HLX: variants seen among roughly 807,000 people sequenced by gnomAD.
HLX encodes H2.0 like homeobox.
A neutral mutation model predicts 27.7 loss-of-function variants in HLX; 6 were observed. The ratio of observed to expected loss-of-function variants is 0.22; its 90% CI spans 0.12 to 0.43. The LOEUF (loss-of-function observed/expected upper bound fraction) is 0.43. Ranked by LOEUF, HLX falls within the 20% of genes least tolerant of loss-of-function variation. The pLI is 1.00. For missense variants in HLX, 666 were observed against 655.2 expected, an observed-to-expected ratio of 1.02 and a Z score of -0.18; for synonymous variants, 328 against 293.8, an observed-to-expected ratio of 1.12 and a Z score of -1.19.
chr1:220,883,792 T>G (rs1674507857), intron 3 of HLX: 2 of 214,958 alleles, frequency 9.3e-6, no homozygotes, highest in African/African-American at 4.6e-5. Flanking sequence ...CATATGTGTA[T>G]TTTTCTGGGC....
chr1:220,882,688 G>C, intron 3 of HLX: 1 of 249,362 alleles, frequency 4.0e-6, no homozygotes, highest in South Asian at 7.2e-5. Context: ...TTCGCTGTAG[G>C]AGGCAGTTTA....
chr1:220,880,419 C>T lies in HLX; in HGVS notation c.562C>T (p.Pro188Ser). The T allele has an allele frequency of 6.2e-7, 1 of 1,613,954 alleles. No individual in the cohort carries two copies. Among genetic ancestry groups the T allele is most frequent in the Non-Finnish European group, 8.5e-7 (1 of 1,180,032 alleles). Reference protein sequence around the residue: ...IDRILSAEFDPKVKEGNTLRD... With the variant: ...IDRILSAEFDSKVKEGNTLRD... ...CCGCATTTTATCTGCAGAATTTGAC[C>T]CAAAAGTCAAAGAAGGCAACACGCT... The change falls in exon 1 of 4, where the codon CCA becomes TCA. Residue 188 changes from proline (P) to serine (S), a missense_variant. Pro to Ser is a moderately conservative substitution (Grantham distance 74). Coordinates refer to ENST00000366903, the MANE Select transcript of HLX (RefSeq NM_021958.4).
Position 220,880,191 on chromosome 1 carries a change from C to T in HLX, c.334C>T (p.Leu112=). Residue 112 remains leucine (L), a synonymous_variant, in exon 1 of 4, where the codon CTG becomes TTG. Transcript: ENST00000366903. The part of the protein sequence containing the change: ...SEVPAGFPQR[L]SPLSAAYHHH... ...AGTCCCGGCTGGCTTCCCGCAGCGGCTGTCTCCGCTCTCAGCCGCCTACCA... is the reference window on the plus strand; with the variant it reads ...AGTCCCGGCTGGCTTCCCGCAGCGGTTGTCTCCGCTCTCAGCCGCCTACCA... The T allele has an allele frequency of 1.9e-6, 3 of 1,612,228 alleles. No individual in the cohort carries two copies. The highest frequency in any genetic ancestry group is 1.3e-5 in the African/African-American group (1 of 75,012).
rs146391223 is a variant in HLX at position 220,881,306 on chromosome 1, A to G, written c.705A>G (p.Ala235=). The change falls in exon 2 of 4, where the codon GCA becomes GCG. Residue 235 remains alanine, a synonymous_variant. Transcript: ENST00000366903. ...TAGATCCCATTAACGAGGCTTCTGC[A>G]ATCCTGAGTCCCTTAAACTCGAACC... ...ASLDPINEAS[A]ILSPLNSNPR... 3.7e-6 allele frequency: 6 copies of G among 1,614,002 alleles called. No individual in the cohort carries two copies. Among genetic ancestry groups the G allele is most frequent in the African/African-American group, 1.3e-5 (1 of 74,938 alleles).
Position 220,881,292 on chromosome 1 carries a change from A to C in HLX, c.691A>C (p.Asn231His). 6.2e-7 allele frequency: 1 copy of C among 1,614,104 alleles called. No homozygotes were observed. The highest frequency in any genetic ancestry group is 1.1e-5 in the South Asian group (1 of 91,084). ...GTTCTTCGCATCTCTAGATCCCATT[A>C]ACGAGGCTTCTGCAATCCTGAGTCC... The part of the protein sequence containing the change: ...GQFFASLDPI[N>H]EASAILSPLN... The change falls in exon 2 of 4, where the codon AAC (asparagine) becomes CAC (histidine). Residue 231 changes from asparagine (N) to histidine (H), a missense_variant. Coordinates refer to ENST00000366903, the MANE Select transcript of HLX (RefSeq NM_021958.4).
In HLX at chr1:220,880,211, C is replaced by A. The variant is rs1376927310; in HGVS notation, c.354C>A (p.Ala118=). ...AGCGGCTGTCTCCGCTCTCAGCCGC[C>A]TACCACCACCATCACCCGCAACAAC... The part of the protein sequence containing the change: ...FPQRLSPLSA[A]YHHHHPQQQQ... The change falls in exon 1 of 4, where the codon GCC becomes GCA. Residue 118 remains alanine, a synonymous_variant. Coordinates refer to ENST00000366903, the MANE Select transcript of HLX (RefSeq NM_021958.4). The A allele has an allele frequency of 6.2e-7, 1 of 1,612,386 alleles. No homozygotes were observed. The highest frequency in any genetic ancestry group is 8.5e-7 in the Non-Finnish European group (1 of 1,178,938).
chr1:220,882,281 T>G lies in HLX; in HGVS notation c.890T>G (p.Ile297Ser), dbSNP rs773180420. 1.2e-6 allele frequency: 2 copies of G among 1,614,202 alleles called. No homozygotes were observed. The change falls in exon 3 of 4, where the codon ATT becomes AGT. Residue 297 changes from isoleucine (I) to serine (S), a missense_variant. By Grantham distance (142) the Ile-to-Ser change is moderately radical. Coordinates refer to ENST00000366903, the MANE Select transcript of HLX (RefSeq NM_021958.4). ...QRKGLEKRFE[I>S]QKYVTKPDRK... ...AAAGGCCTGGAGAAAAGGTTTGAGA[T>G]TCAGAAGTACGTGACCAAGCCGGAC...
At position 220,884,177 on chromosome 1, in the gene HLX, C is replaced by T. The variant is rs1181547084; in HGVS notation, c.958-18C>T. 5.0e-6 allele frequency: 8 copies of T among 1,612,892 alleles called. No homozygotes were observed. Among genetic ancestry groups the T allele is most frequent in the African/African-American group, 1.3e-5 (1 of 74,770 alleles). ...CATCTCGGTGTCTCTTCTTGTCTCC[C>T]GGTGTGGCGCGGCGCAGGTGAAGGT... On this transcript the variant is annotated intron_variant, in intron 3 of 3. Transcript: ENST00000366903. The surrounding 1 kb of genome is among the most constrained non-coding windows in gnomAD (Gnocchi z 4.9).
intron 1 of HLX, 110 bp from the exon 2 acceptor site, chr1:220,881,084 A>G (rs1674425114): frequency 2.0e-6 from 2 of 1,005,492 alleles, no homozygotes; most frequent in Non-Finnish European, 3.0e-6. Flanking sequence ...TTCTCTCTTG[A>G]CTTCGCTCAA....
chr1:220,881,027 G>C, intron 1 of HLX, 167 bp from the exon 2 acceptor site: 1 of 662,626 alleles, frequency 1.5e-6, no homozygotes, highest in Non-Finnish European at 2.7e-6. Flanking sequence ...TTCGTGCGTC[G>C]CTCCTTGGCA....
Position 220,884,612 on chromosome 1 carries a change from G to A in HLX, c.1375G>A (p.Gly459Ser), listed in dbSNP as rs771063150. The part of the protein sequence containing the change: ...AGCASSLGGG[G>S]ASELLPATQP... ...TTGCGCCAGCAGCCTTGGCGGCGGC[G>A]GCGCCTCGGAGCTTCTCCCTGCAAC... Residue 459 changes from glycine (G) to serine (S), a missense_variant, in exon 4 of 4, where the codon GGC becomes AGC. Transcript: ENST00000366903. The surrounding 1 kb of genome is among the most constrained non-coding windows in gnomAD (Gnocchi z 4.9). 1.2e-6 allele frequency: 2 copies of A among 1,607,766 alleles called. No individual in the cohort carries two copies. The highest frequency in any genetic ancestry group is 1.7e-6 in the Non-Finnish European group (2 of 1,177,508).
Position 220,879,994 on chromosome 1 carries a change from T to C in HLX, c.137T>C (p.Ile46Thr). ...GCCGTCAAAAAGCCCTCCTTCTGCA[T>C]CGCAGACATTCTGCACGCCGGCGTG... ...PAAVKKPSFC[I>T]ADILHAGVGD... The change falls in exon 1 of 4, where the codon ATC (isoleucine) becomes ACC (threonine). Residue 46 changes from isoleucine to threonine, a missense_variant. Coordinates refer to ENST00000366903, the MANE Select transcript of HLX (RefSeq NM_021958.4). 10 of 1,598,396 alleles carry C rather than the reference T, an allele frequency of 6.3e-6. No individual in the cohort carries two copies. Among genetic ancestry groups the C allele is most frequent in the Non-Finnish European group, 8.5e-6 (10 of 1,178,910 alleles).
At position 220,879,843 on chromosome 1, in the gene HLX, G is replaced by T; in HGVS notation, c.-15G>T. ...CCGGCTGGACTGCGGCAGCCGCGCG[G>T]CTCACCCCGGCAGGATGTTCGCAGC... On this transcript the variant is annotated 5_prime_UTR_variant, in exon 1 of 4. Coordinates refer to ENST00000366903, the MANE Select transcript of HLX (RefSeq NM_021958.4). 1 of 1,560,254 alleles carries T rather than the reference G, an allele frequency of 6.4e-7. No individual in the cohort carries two copies. The highest frequency in any genetic ancestry group is 8.6e-7 in the Non-Finnish European group (1 of 1,160,938).
chr1:220,884,737 C>T lies in HLX; in HGVS notation c.*33C>T, dbSNP rs765956499. ...TAGGGCGGAGGGGATCCGGGCCTTG[C>T]GTGCAGCCTCCCAACCATGGGCTGG... On this transcript the variant is annotated 3_prime_UTR_variant, in exon 4 of 4. Coordinates refer to ENST00000366903, the MANE Select transcript of HLX (RefSeq NM_021958.4). The surrounding 1 kb of genome is among the most constrained non-coding windows in gnomAD (Gnocchi z 4.9). The T allele has an allele frequency of 1.3e-6, 2 of 1,598,452 alleles. No individual in the cohort carries two copies. The highest frequency in any genetic ancestry group is 8.5e-7 in the Non-Finnish European group (1 of 1,177,398).
intron 3 of HLX, chr1:220,882,650 A>G: frequency 2.4e-6 from 1 of 419,568 alleles, no homozygotes; most frequent in Non-Finnish European, 4.4e-6. Flanking sequence ...CGCTGGAAAT[A>G]ACACTGATAC....
intron 1 of HLX, 105 bp from the exon 2 acceptor site, chr1:220,881,089 G>T: frequency 9.5e-7 from 1 of 1,047,588 alleles, no homozygotes; most frequent in Non-Finnish European, 1.4e-6. Context: ...TCTTGACTTC[G>T]CTCAATAAAA....
rs868627186 is a variant in HLX, at chr1:220,884,617, C to T, written c.1380C>T (p.Ala460=). 7 of 1,608,946 alleles carry T rather than the reference C, an allele frequency of 4.4e-6. No homozygotes were observed. Among genetic ancestry groups the T allele is most frequent in the Non-Finnish European group, 5.9e-6 (7 of 1,178,220 alleles). Residue 460 remains alanine, a synonymous_variant, in exon 4 of 4, where the codon GCC becomes GCT. Coordinates refer to ENST00000366903, the MANE Select transcript of HLX (RefSeq NM_021958.4). The surrounding 1 kb of genome is among the most constrained non-coding windows in gnomAD (Gnocchi z 4.9). The stretch of plus-strand genomic sequence containing the variant: ...CCAGCAGCCTTGGCGGCGGCGGCGC[C>T]TCGGAGCTTCTCCCTGCAACACAGC... ...GCASSLGGGG[A]SELLPATQPT...
In HLX at chr1:220,884,649, C is replaced by T. The variant is rs767179667; in HGVS notation, c.1412C>T (p.Ala471Val). Reference sequence around the variant, plus strand: ...CTTCTCCCTGCAACACAGCCCACAGCCAGCAGCGCTCCCAAAAGCCCCGAG... The same window carrying T: ...CTTCTCCCTGCAACACAGCCCACAGTCAGCAGCGCTCCCAAAAGCCCCGAG... ...SELLPATQPT[A>V]SSAPKSPEPA... The change falls in exon 4 of 4, where the codon GCC becomes GTC. Residue 471 changes from alanine (A) to valine (V), a missense_variant. Coordinates refer to ENST00000366903, the MANE Select transcript of HLX (RefSeq NM_021958.4). This position sits in a 1 kb window ranked among gnomAD's most constrained non-coding sequence, Gnocchi z 4.9. The T allele has an allele frequency of 6.2e-7, 1 of 1,610,880 alleles. No homozygotes were observed. The highest frequency in any genetic ancestry group is 8.5e-7 in the Non-Finnish European group (1 of 1,179,276).
rs1403574702 is a variant in HLX, at chr1:220,884,216, C to T, written c.979C>T (p.Arg327Trp). Reference protein sequence around the residue: ...DAQVKVWFQNRRMKWRHSKEA... With the variant: ...DAQVKVWFQNWRMKWRHSKEA... ...GCAGGTGAAGGTGTGGTTCCAGAACCGGCGGATGAAGTGGCGGCACTCCAA... is the reference window on the plus strand; with the variant it reads ...GCAGGTGAAGGTGTGGTTCCAGAACTGGCGGATGAAGTGGCGGCACTCCAA... The change falls in exon 4 of 4, where the codon CGG (arginine) becomes TGG (tryptophan). Residue 327 changes from arginine (R) to tryptophan (W), a missense_variant. Arg to Trp is a moderately radical substitution (Grantham distance 101). Transcript: ENST00000366903. This position sits in a 1 kb window ranked among gnomAD's most constrained non-coding sequence, Gnocchi z 4.9. The T allele has an allele frequency of 6.2e-7, 1 of 1,613,908 alleles. No individual in the cohort carries two copies.
Sources: allele counts gnomAD v4.1 joint callset, GRCh38; gene constraint gnomAD v4.1.1; non-coding constraint Gnocchi (gnomAD v3.1); transcripts MANE v1.5; gene names NCBI Gene and HGNC (gene_info 2026-07-23, HGNC 2026-07-21).